GABRR1: variants seen among roughly 807,000 people sequenced by gnomAD.
GABRR1 encodes gamma-aminobutyric acid type A receptor subunit rho1, also known as gamma-aminobutyric acid receptor subunit rho-1.
In GABRR1, 59 loss-of-function variants were observed where a neutral mutation model predicts 55.5. The observed-to-expected ratio is 1.06, with a 90% CI of 0.86 to 1.32. GABRR1 has a LOEUF of 1.32. GABRR1 is among the 40% of genes most tolerant of loss of function. The pLI, the probability that GABRR1 is intolerant of heterozygous loss-of-function variation, is 0.00. For missense variants in GABRR1, 602 were observed against 619.1 expected, an observed-to-expected ratio of 0.97 and a Z score of 0.29; for synonymous variants, 213 against 226.0, an observed-to-expected ratio of 0.94 and a Z score of 0.51.
chr6:89,217,244 G>A lies in GABRR1; in HGVS notation c.79C>T (p.His27Tyr). The A allele has an allele frequency of 1.2e-6, 2 of 1,614,016 alleles. No homozygotes were observed. Among genetic ancestry groups the A allele is most frequent in the Non-Finnish European group, 1.7e-6 (2 of 1,179,950 alleles). Residue 27 changes from histidine (H) to tyrosine (Y), a missense_variant, in exon 1 of 10, where the codon CAC becomes TAC. His to Tyr is a moderately conservative substitution (Grantham distance 83). This residue lies in a region of GABRR1 where 435 missense variants were observed against 424.2 expected (regional missense o/e 1.03). Transcript: ENST00000454853. Reference sequence around the variant, plus strand: ...TCGTGGACTTCTCTTCCGGGCCAGTGCATTCTGCTTTCAGTGGCCAAAACC... The same window carrying A: ...TCGTGGACTTCTCTTCCGGGCCAGTACATTCTGCTTTCAGTGGCCAAAACC... Reference protein sequence around the residue: ...GWVLATESRMHWPGREVHEMS... With the variant: ...GWVLATESRMYWPGREVHEMS...
chr6:89,222,252 T>C (rs1773125832), upstream of GABRR1, among the ~76,000 whole-genome samples: 1 of 152,202 alleles, frequency 6.6e-6, no homozygotes, highest in South Asian at 2.1e-4. Flanking sequence ...AATTATATCA[T>C]GATGAAAACA....
chr6:89,180,168 G>T, intron 9 of GABRR1, 124 bp downstream of exon 9: 1 of 1,018,354 alleles, frequency 9.8e-7, no homozygotes, highest in Admixed American at 3.0e-5. Flanking sequence ...CAACAACCCT[G>T]TGAAGTAGGC....
Position 89,178,582 on chromosome 6 carries a change from G to GT in GABRR1, c.*187dup. On this transcript the variant is annotated 3_prime_UTR_variant, in exon 10 of 10. Transcript: ENST00000454853. ...TATAATGCTGTGTATTCAATAGATG[G>GT]TTAATAAGTGCAAATTAAACCAGTA... 1.7e-6 allele frequency: 1 copy of GT among 602,640 alleles called. No individual in the cohort carries two copies. The highest frequency in any genetic ancestry group is 2.9e-6 in the Non-Finnish European group (1 of 342,118). The allele number at this position is 602,640 out of a possible 1,614,324, so 37.3% of individuals were successfully genotyped here.
chr6:89,181,320 T>C lies in GABRR1; in HGVS notation c.949+585A>G, dbSNP rs369826500. On this transcript the variant is annotated intron_variant, in intron 8 of 9. Transcript: ENST00000454853. ...TGCAGCCCCTGAACTGTCTGAGCAA[T>C]GGTGGTGTGTATAAATGGGTATAAT... 2.6e-5 allele frequency among the ~76,000 whole-genome samples: 4 copies of C among 152,222 alleles called. No homozygotes were observed. In the East Asian group the frequency reaches 5.8e-4, roughly 22 times the overall value.
chr6:89,193,734 G>C (rs1463836995), intron 5 of GABRR1, among the ~76,000 whole-genome samples: 2 of 151,964 alleles, frequency 1.3e-5, no homozygotes, highest in African/African-American at 4.8e-5. Context: ...TGGCATAAAG[G>C]CAAGCTGCTT....
At chr6:89,216,095 C>T (rs1772971678) in intron 1 of GABRR1, among the ~76,000 whole-genome samples, 1 of 152,170 alleles carries the variant, frequency 6.6e-6, no homozygotes, top group Non-Finnish European at 1.5e-5. Context: ...TCCCTTAGCA[C>T]CCCAGGGCTC....
chr6:89,211,599 T>C (rs943216414), intron 1 of GABRR1, among the ~76,000 whole-genome samples: 7 of 152,142 alleles, frequency 4.6e-5, no homozygotes, highest in South Asian at 2.1e-4. Context: ...TCTGACCCTA[T>C]TGACCACTCC....
At chr6:89,192,564 C>CTTTTTTT (rs577439930) in intron 5 of GABRR1, among the ~76,000 whole-genome samples, 1 of 130,386 alleles carries the variant, frequency 7.7e-6, no homozygotes, top group Non-Finnish European at 1.6e-5. Context: ...TCTTCTTCTT[C>CTTTTTTT]TTTTTTTTTT....
chr6:89,187,205 G>GA (rs767937465), intron 6 of GABRR1, among the ~76,000 whole-genome samples: 347 of 134,812 alleles, frequency 2.6e-3, no homozygotes, highest in African/African-American at 0.012. Flanking sequence ...CTGGTTTCTG[G>GA]GGGGTGTGTG....
At chr6:89,184,357 G>C (rs937575989) in intron 7 of GABRR1, among the ~76,000 whole-genome samples, 10 of 151,022 alleles carry the variant, frequency 6.6e-5, no homozygotes, top group African/African-American at 2.4e-4. Flanking sequence ...AATGAAGCAA[G>C]TTAACCTCAG....
chr6:89,200,469 G>A (rs113256217), intron 3 of GABRR1, among the ~76,000 whole-genome samples: 1,811 of 151,960 alleles, frequency 0.012, 27 homozygotes, highest in Non-Finnish European at 0.015. Flanking sequence ...GGCTGGTCTC[G>A]AACTCCTGAG....
At chr6:89,221,232 C>G (rs899139623), upstream of GABRR1, 1 of 152,474 alleles carries the variant, frequency 6.6e-6, no homozygotes, top group Admixed American at 6.5e-5. Flanking sequence ...CTCCCTGCCC[C>G]AAGCCCTCAG....
chr6:89,204,126 G>T (rs1772568370), intron 1 of GABRR1, among the ~76,000 whole-genome samples: 1 of 152,132 alleles, frequency 6.6e-6, no homozygotes, highest in Admixed American at 6.5e-5. Flanking sequence ...GTCCTTGGGG[G>T]CATCAACGTG....
In GABRR1 at chr6:89,182,056, G is replaced by C; in HGVS notation, c.798C>G (p.Gly266=). 6.2e-7 allele frequency: 1 copy of C among 1,613,978 alleles called. No individual in the cohort carries two copies. Among genetic ancestry groups the C allele is most frequent in the South Asian group, 1.1e-5 (1 of 91,046 alleles). ...TTKLAFYSST[G]WYNRLYINFT... ...AATTAATGTAGAGACGGTTGTACCA[G>C]CCTGGGGGACACAGGAATAAAAGAC... The change falls in exon 8 of 10, where the codon GGC becomes GGG. Residue 266 remains glycine (G), a splice_region_variant and synonymous_variant. Transcript: ENST00000454853.
chr6:89,207,695 G>A (rs1772695869), intron 1 of GABRR1, among the ~76,000 whole-genome samples: 1 of 152,154 alleles, frequency 6.6e-6, no homozygotes, highest in Non-Finnish European at 1.5e-5. Context: ...AATCACCCGA[G>A]GAGCTTAAAA....
intron 5 of GABRR1, among the ~76,000 whole-genome samples, chr6:89,196,856 A>AAAGAAAGAAAGAAAGG (rs1772304172): frequency 7.2e-6 from 1 of 139,830 alleles, no homozygotes; most frequent in Admixed American, 7.5e-5. Flanking sequence ...AGAAAGAAAG[A>AAAGAAAGAAAGAAAGG]AAGAAAGAAA....
At chr6:89,217,534 C>T (rs1420523538), upstream of GABRR1, 1 of 460,226 alleles carries the variant, frequency 2.2e-6, no homozygotes. Context: ...CAGGGATTTT[C>T]TGAACTGAGG....
intron 7 of GABRR1, among the ~76,000 whole-genome samples, chr6:89,184,416 CCG>C (rs60442861): frequency 0.3 from 45,071 of 151,630 alleles, 6,888 homozygotes; most frequent in Middle Eastern, 0.34. Context: ...GAGCATGCCC[CCG>C]CAGGCAACAG....
At chr6:89,201,313 A>C (rs757995229) in intron 2 of GABRR1, 48 bp from the exon 3 acceptor site, 2 of 1,262,786 alleles carry the variant, frequency 1.6e-6, no homozygotes, top group African/African-American at 1.5e-5. Flanking sequence ...CAACCAAGAC[A>C]AATAAACAGT....
Sources: gnomAD v4.1 joint callset for allele counts (sites outside exome capture counted in the v4.1 genomes callset) on GRCh38, gnomAD v4.1.1 for gene constraint, gnomAD v4.1.1 regional missense constraint, MANE v1.5 for transcripts, NCBI Gene and HGNC (gene_info 2026-07-23, HGNC 2026-07-21) for gene names.